The following USP7 variants were observed in gnomAD, a reference collection of about 807,000 sequenced individuals.
USP7 encodes the protein ubiquitin C-terminal hydrolase 7.
A neutral mutation model predicts 162.9 loss-of-function variants in USP7; 9 were observed. The ratio of observed to expected loss-of-function variants is 0.06; its 90% CI spans 0.03 to 0.10. The LOEUF (loss-of-function observed/expected upper bound fraction) is 0.10, where lower values mean the gene tolerates loss of function less well. Among genes scored for constraint, USP7 ranks in the 10% least tolerant of loss-of-function variants. The pLI, the probability that USP7 is intolerant of heterozygous loss-of-function variation, is 1.00. For missense variants in USP7, 715 were observed against 1,373.7 expected (o/e 0.52, Z 7.58); for synonymous variants, 562 against 475.9 (o/e 1.18, Z -2.35).
At chr16:8,926,203 C>T (rs1396498210) in intron 2 of USP7, among the ~76,000 whole-genome samples, 3 of 143,834 alleles carry the variant, frequency 2.1e-5, no homozygotes, top group South Asian at 2.3e-4. Context: ...GTCGGCCGGG[C>T]GCGGTGGTTC....
intron 6 of USP7, among the ~76,000 whole-genome samples, chr16:8,918,827 C>T (rs913131839): frequency 2.7e-4 from 41 of 151,970 alleles, no homozygotes; most frequent in African/African-American, 9.4e-4. Context: ...AAAAGGTTGG[C>T]GGTGGTAACT....
intron 7 of USP7, 44 bp downstream of exon 7, chr16:8,916,982 A>C (rs1057121076): frequency 6.6e-7 from 1 of 1,510,916 alleles, no homozygotes; most frequent in South Asian, 1.4e-5. Context: ...AAAAAAAAAA[A>C]AAAAGAGGAA....
chr16:8,904,969 C>CA (rs1166522698), intron 14 of USP7, among the ~76,000 whole-genome samples: 2 of 151,858 alleles, frequency 1.3e-5, no homozygotes, highest in African/African-American at 2.4e-5. Flanking sequence ...GACTCCGTCT[C>CA]AAAAAAATAA....
At chr16:8,915,119 G>A (rs776001434) in intron 10 of USP7, 135 bp downstream of exon 10, 177 of 823,454 alleles carry the variant, frequency 2.1e-4, no homozygotes, top group Middle Eastern at 7.4e-4. Context: ...TGTTCACCCA[G>A]TGAGCTGTTT....
rs1897376987 is a variant in USP7 at position 8,916,550 on chromosome 16, T to C, written c.858A>G (p.Glu286=). 6.2e-7 allele frequency: 1 copy of C among 1,605,376 alleles called. No individual in the cohort carries two copies. Among genetic ancestry groups the C allele is most frequent in the Non-Finnish European group, 8.5e-7 (1 of 1,178,062 alleles). ...CATGTTGCATGAAGCTATCTAAAGT[T>C]TCCCACCTTTCAAAGATAAAACAAA... ...TKKLTKSFGW[E]TLDSFMQHDV... The change falls in exon 8 of 31, where the codon GAA becomes GAG. Residue 286 remains glutamate, a synonymous_variant. Coordinates refer to ENST00000344836, the MANE Select transcript of USP7 (RefSeq NM_003470.3).
chr16:8,937,385 T>C (rs187319886), intron 1 of USP7, among the ~76,000 whole-genome samples: 10 of 151,898 alleles, frequency 6.6e-5, no homozygotes, highest in Admixed American at 5.9e-4. Flanking sequence ...CTACTAAAAA[T>C]ACAAAAATTA....
At chr16:8,945,277 G>C (rs980441889) in intron 1 of USP7, among the ~76,000 whole-genome samples, 1 of 152,014 alleles carries the variant, frequency 6.6e-6, no homozygotes, top group Non-Finnish European at 1.5e-5. Flanking sequence ...CCAGCTACTC[G>C]GGAGGCTGAG....
intron 8 of USP7, among the ~76,000 whole-genome samples, chr16:8,916,292 A>G (rs1897364576): frequency 6.6e-6 from 1 of 152,238 alleles, no homozygotes; most frequent in South Asian, 2.1e-4. Context: ...TTAAAATTCA[A>G]GCTTCCTCAC....
At chr16:8,909,465 T>C (rs1443396415) in intron 11 of USP7, among the ~76,000 whole-genome samples, 1 of 152,192 alleles carries the variant, frequency 6.6e-6, no homozygotes, top group African/African-American at 2.4e-5. Flanking sequence ...GGGAAGGACC[T>C]GTTTTTAATA....
intron 20 of USP7, 156 bp downstream of exon 20, chr16:8,900,834 A>T: frequency 1.2e-6 from 1 of 827,286 alleles, no homozygotes; most frequent in South Asian, 2.0e-5. Flanking sequence ...AAAAAAAAAA[A>T]TTCACAAATC....
chr16:8,946,279 CACA>C (rs914841175), intron 1 of USP7, among the ~76,000 whole-genome samples: 7 of 152,122 alleles, frequency 4.6e-5, no homozygotes, highest in South Asian at 4.2e-4. Flanking sequence ...AAAAACAAAA[CACA>C]ACAACAACAA....
intron 26 of USP7, 22 bp from the exon 27 acceptor site, chr16:8,895,763 AT>A: frequency 6.6e-7 from 1 of 1,514,746 alleles, no homozygotes; most frequent in Non-Finnish European, 9.1e-7. Flanking sequence ...GGAAAAAAAA[AT>A]AGGGCAAAAT....
intron 1 of USP7, among the ~76,000 whole-genome samples, chr16:8,934,396 T>C (rs767390277): frequency 6.6e-5 from 10 of 152,166 alleles, no homozygotes; most frequent in Non-Finnish European, 1.3e-4. Context: ...AGAGACTGCA[T>C]TGTCTCCAAA....
intron 1 of USP7, among the ~76,000 whole-genome samples, chr16:8,948,770 T>C (rs1370199627): frequency 6.6e-6 from 1 of 151,902 alleles, no homozygotes; most frequent in Non-Finnish European, 1.5e-5. Flanking sequence ...AAAACAAGCA[T>C]GGAAAACACA....
At chr16:8,944,345 G>C (rs145183843) in intron 1 of USP7, among the ~76,000 whole-genome samples, 92 of 152,260 alleles carry the variant, frequency 6.0e-4, no homozygotes, top group Middle Eastern at 6.8e-3. Flanking sequence ...CAGAGTCCTG[G>C]AACAAAGGAA....
intron 10 of USP7, among the ~76,000 whole-genome samples, chr16:8,913,153 C>T (rs552645046): frequency 6.6e-6 from 1 of 152,130 alleles, no homozygotes; most frequent in East Asian, 1.9e-4. Context: ...GTCAGGAACT[C>T]GAGACCAGCC....
chr16:8,919,838 C>T (rs1006083765), intron 5 of USP7, among the ~76,000 whole-genome samples: 3 of 152,140 alleles, frequency 2.0e-5, no homozygotes, highest in Admixed American at 6.5e-5. Flanking sequence ...ACACCTACTG[C>T]GCAGTACCAT....
intron 4 of USP7, 102 bp from the exon 5 acceptor site, chr16:8,920,549 ACT>A (rs1491183880): frequency 5.1e-6 from 5 of 973,594 alleles, no homozygotes; most frequent in East Asian, 2.7e-5. Flanking sequence ...AGATGAAAAT[ACT>A]TTTTTTTTAA....
intron 1 of USP7, among the ~76,000 whole-genome samples, chr16:8,947,119 G>GT (rs2141256629): frequency 6.6e-6 from 1 of 152,136 alleles, no homozygotes; most frequent in Admixed American, 6.5e-5. Flanking sequence ...TGTAAGATTG[G>GT]TTTTTTCATA....
Sources: gnomAD v4.1 joint callset for allele counts (sites outside exome capture counted in the v4.1 genomes callset) on GRCh38, gnomAD v4.1.1 for gene constraint, MANE v1.5 for transcripts, NCBI Gene and HGNC (gene_info 2026-07-23, HGNC 2026-07-21) for gene names.